NEB: variants seen among roughly 807,000 people sequenced by gnomAD.
NEB encodes the protein nebulin.
A neutral mutation model predicts 952.2 loss-of-function variants in NEB; 512 were observed. The observed-to-expected ratio is 0.54, with a 90% CI of 0.50 to 0.58. The LOEUF (loss-of-function observed/expected upper bound fraction) is 0.58. Ranked by LOEUF, NEB falls within the 20% of genes least tolerant of loss-of-function variation. NEB has a pLI of 0.00. For synonymous variants in NEB, 2,900 were observed against 3,149.8 expected, an observed-to-expected ratio of 0.92 and a Z score of 2.66; for missense variants, 8,428 against 9,231.1, an observed-to-expected ratio of 0.91 and a Z score of 3.56.
chr2:151,507,851 C>T, intron 162 of NEB, 154 bp downstream of exon 162: 1 of 617,974 alleles, frequency 1.6e-6, no homozygotes, highest in South Asian at 2.0e-5. Context: ...ACAAGGTGAG[C>T]CCAGAGATGA....
intron 54 of NEB, among the ~76,000 whole-genome samples, chr2:151,649,291 T>C (rs1224159588): frequency 6.6e-6 from 1 of 152,172 alleles, no homozygotes; most frequent in Non-Finnish European, 1.5e-5. Flanking sequence ...GAGGGGTTAG[T>C]TAGGAAAAGA....
rs1467422429 is a variant in NEB at position 151,501,486 on chromosome 2, G to A, written c.23929-3C>T. On this transcript the variant is annotated splice_polypyrimidine_tract_variant and splice_region_variant and intron_variant, in intron 167 of 181. Transcript: ENST00000397345. ...CTCAAGTTCTCTTTGTACAATATCT[G>A]TGTGCACAAAACCAACAAACAAATC... 2 of 1,464,148 alleles carry A rather than the reference G, an allele frequency of 1.4e-6. No homozygotes were observed. Among genetic ancestry groups the A allele is most frequent in the Non-Finnish European group, 1.8e-6 (2 of 1,096,078 alleles). The allele number at this position is 1,464,148 out of a possible 1,614,324, so 90.7% of individuals were successfully genotyped here. A position where few individuals can be genotyped will look rare whatever the true frequency, so the allele number is the denominator to read the frequency against.
chr2:151,490,314 G>A (rs2055303559), intron 180 of NEB, 58 bp downstream of exon 180: 2 of 1,552,400 alleles, frequency 1.3e-6, no homozygotes, highest in African/African-American at 1.4e-5. Flanking sequence ...ATCTCTTATA[G>A]TAACCATCAA....
chr2:151,728,211 A>G (rs903251642), intron 4 of NEB, among the ~76,000 whole-genome samples: 5 of 152,338 alleles, frequency 3.3e-5, no homozygotes, highest in Admixed American at 2.0e-4. Flanking sequence ...GTGGGGGGGA[A>G]ATTGGCAATA....
chr2:151,511,876 C>T (rs970422792), intron 161 of NEB, among the ~76,000 whole-genome samples: 2 of 152,112 alleles, frequency 1.3e-5, no homozygotes, highest in Non-Finnish European at 2.9e-5. Flanking sequence ...CAGATCTGCG[C>T]ACACATTTTT....
In NEB at chr2:151,496,956, T is replaced by TTGA. The variant is rs1372551649; in HGVS notation, c.24375_24377dup (p.Asn8125_Gln8126insHis). On this transcript the variant is annotated inframe_insertion, in exon 172 of 182. Transcript: ENST00000397345. ...GCCCAAGTACCGAGCTAATATTTTC[T>TTGA]TGATTGTGTTTGACTCTCTCCATCT... The TTGA allele has an allele frequency of 1.3e-6, 2 of 1,576,532 alleles. No homozygotes were observed. The highest frequency in any genetic ancestry group is 1.7e-6 in the Non-Finnish European group (2 of 1,158,758).
chr2:151,716,979 C>T (rs897502158), intron 10 of NEB, among the ~76,000 whole-genome samples: 7 of 152,218 alleles, frequency 4.6e-5, no homozygotes, highest in Non-Finnish European at 1.0e-4. Context: ...AGGTCCACTG[C>T]CCACTGCTGT....
chr2:151,692,982 A>G (rs2099570468), intron 20 of NEB, among the ~76,000 whole-genome samples: 1 of 152,198 alleles, frequency 6.6e-6, no homozygotes, highest in Non-Finnish European at 1.5e-5. Context: ...AAAACAAAGA[A>G]GGAAAGAAAA....
At chr2:151,696,782 T>A (rs765983493) in intron 16 of NEB, 47 bp from the exon 17 acceptor site, 1 of 1,462,078 alleles carries the variant, frequency 6.8e-7, no homozygotes, top group Middle Eastern at 1.7e-4. Flanking sequence ...ACCTGTCAGA[T>A]CCAAGGTGGC....
chr2:151,686,465 T>C (rs2099499551), intron 27 of NEB, among the ~76,000 whole-genome samples: 1 of 152,212 alleles, frequency 6.6e-6, no homozygotes, highest in Non-Finnish European at 1.5e-5. Flanking sequence ...ATATCCTTCT[T>C]GAGTTGAAAA....
At position 151,643,996 on chromosome 2, in the gene NEB, A is replaced by G. The variant is rs370615288; in HGVS notation, c.7778T>C (p.Phe2593Ser). 54 of 1,613,654 alleles carry G rather than the reference A, an allele frequency of 3.3e-5. No homozygotes were observed. The African/African-American group carries it at 6.5e-4, about 20-fold the overall frequency. Residue 2593 changes from phenylalanine (F) to serine (S), a missense_variant, in exon 57 of 182, where the codon TTT becomes TCT. By Grantham distance (155) the Phe-to-Ser change is radical (BLOSUM62 -2). This residue lies in a region of NEB where 1,772 missense variants were observed against 1,960.3 expected (regional missense o/e 0.90). Transcript: ENST00000397345. The part of the protein sequence containing the change: ...IQSDREYKKD[F>S]EKWKTKFSSP... ...GCTGAACTTGGTCTTCCACTTCTCA[A>G]AGTCCTTCTTGTACTCCCTGTCACT... is the stretch of plus-strand genomic sequence containing the variant.
At chr2:151,665,986 C>T in intron 41 of NEB, 104 bp downstream of exon 41, 10 of 1,198,136 alleles carry the variant, frequency 8.3e-6, no homozygotes, top group South Asian at 1.6e-5. Flanking sequence ...TGGAGGGAAT[C>T]CTTAATTACA....
intron 163 of NEB, 61 bp downstream of exon 163, chr2:151,506,848 T>A: frequency 1.8e-6 from 2 of 1,109,644 alleles, no homozygotes; most frequent in Non-Finnish European, 2.7e-6. Context: ...CTAGTATATT[T>A]TTAAAGAGGA....
chr2:151,636,818 A>T (rs2098771506), intron 63 of NEB, among the ~76,000 whole-genome samples: 1 of 152,152 alleles, frequency 6.6e-6, no homozygotes, highest in Non-Finnish European at 1.5e-5. Context: ...AGATACCCAT[A>T]AAGCCCAATG....
At chr2:151,559,286 A>C (rs981831823) in intron 124 of NEB, among the ~76,000 whole-genome samples, 2 of 152,246 alleles carry the variant, frequency 1.3e-5, no homozygotes, top group African/African-American at 2.4e-5. Context: ...CAAAGTCAGG[A>C]AACAACAGAT....
chr2:151,678,405 C>T (rs1255003586), intron 32 of NEB, among the ~76,000 whole-genome samples: 1 of 152,124 alleles, frequency 6.6e-6, no homozygotes, highest in African/African-American at 2.4e-5. Flanking sequence ...GCTGTTTCTG[C>T]CTATCCAAGT....
intron 64 of NEB, among the ~76,000 whole-genome samples, chr2:151,635,898 C>G (rs1273686974): frequency 6.6e-6 from 1 of 152,116 alleles, no homozygotes; most frequent in Non-Finnish European, 1.5e-5. Context: ...TGAGTTATAT[C>G]TTCTATAAGC....
At chr2:151,538,003 G>GT in intron 139 of NEB, 27 bp from the exon 140 acceptor site, 1 of 1,587,482 alleles carries the variant, frequency 6.3e-7, no homozygotes, top group Non-Finnish European at 8.6e-7. Context: ...AAAGACAGCT[G>GT]TAAGTCTTAC....
intron 46 of NEB, among the ~76,000 whole-genome samples, 172 bp from the exon 47 acceptor site, chr2:151,659,341 G>A (rs1410923163): frequency 6.6e-6 from 1 of 151,892 alleles, no homozygotes; most frequent in Non-Finnish European, 1.5e-5. Context: ...CTGTCACCCA[G>A]GCTGGAGTGC....
Sources: allele counts gnomAD v4.1 joint callset (sites outside exome capture counted in the v4.1 genomes callset), GRCh38; gene constraint gnomAD v4.1.1; regional missense constraint gnomAD v4.1.1; transcripts MANE v1.5; gene names NCBI Gene and HGNC (gene_info 2026-07-23, HGNC 2026-07-21).